Variants in GRIN2B observed in about 807,000 individuals in gnomAD.
GRIN2B encodes glutamate receptor ionotropic, NMDA 2B.
In GRIN2B, 5 loss-of-function variants were observed where a neutral mutation model predicts 114.5. That is an observed-to-expected ratio of 0.04 (90% CI 0.02 to 0.09). GRIN2B has a LOEUF of 0.09. GRIN2B is among the 10% of genes least tolerant of loss of function. The probability of loss-of-function intolerance (pLI) is 1.00; values close to 1 mark genes in which losing one functional copy is unlikely to be tolerated. For synonymous variants in GRIN2B, 787 were observed against 745.1 expected, an observed-to-expected ratio of 1.06 and a Z score of -0.92; for missense variants, 1,108 against 1,943.5, an observed-to-expected ratio of 0.57 and a Z score of 8.08.
At chr12:13,820,786 G>A (rs1015881167) in intron 3 of GRIN2B, among the ~76,000 whole-genome samples, 10 of 152,144 alleles carry the variant, frequency 6.6e-5, no homozygotes, top group African/African-American at 2.4e-4. Flanking sequence ...CCACTGCTGA[G>A]CCTTTGCTAT....
chr12:13,908,812 C>T (rs7136375), intron 2 of GRIN2B, among the ~76,000 whole-genome samples: 4,918 of 152,262 alleles, frequency 0.032, 289 homozygotes, highest in African/African-American at 0.11. Context: ...AGACATCTCA[C>T]AAAACACACA....
intron 10 of GRIN2B, among the ~76,000 whole-genome samples, chr12:13,607,263 TAATATATAA>T (rs1949272502): frequency 1.8e-5 from 1 of 56,438 alleles, no homozygotes; most frequent in Non-Finnish European, 3.1e-5. Flanking sequence ...ATATTATATA[TAATATATAA>T]AATATATAAT....
chr12:13,781,829 C>T lies in GRIN2B; in HGVS notation c.412-27914G>A, dbSNP rs113910476. On this transcript the variant is annotated intron_variant, in intron 3 of 13. Coordinates refer to ENST00000609686, the MANE Select transcript of GRIN2B (RefSeq NM_000834.5). ...CAAGAAATGTTCGAAGAAAAGGAGT[C>T]ACGGGGTCAGCTGTCAGGGATTCCT... is the stretch of plus-strand genomic sequence containing the variant. Among the ~76,000 whole-genome samples, 504 of 152,268 alleles carry T rather than the reference C, an allele frequency of 3.3e-3. 2 individuals carry two copies. Among genetic ancestry groups the T allele is most frequent in the African/African-American group, 0.012 (480 of 41,556 alleles).
chr12:13,741,596 C>A (rs1410824781), intron 4 of GRIN2B, among the ~76,000 whole-genome samples: 1 of 152,106 alleles, frequency 6.6e-6, no homozygotes, highest in Non-Finnish European at 1.5e-5. Flanking sequence ...TGCTCTTTCA[C>A]CCAGGCTGGA....
Position 13,562,949 on chromosome 12 carries a change from A to G in GRIN2B, c.4289T>C (p.Val1430Ala), listed in dbSNP as rs780022796. 2 of 1,614,186 alleles carry G rather than the reference A, an allele frequency of 1.2e-6. No homozygotes were observed. Among genetic ancestry groups the G allele is most frequent in the Admixed American group, 3.3e-5 (2 of 60,034 alleles). ...DFRALVTNKP[V>A]VSALHGAVPA... ...CACGGCCCCATGAAGGGCCGAGACC[A>G]CCGGCTTGTTGGTGACAAGGGCCCG... The change falls in exon 14 of 14, where the codon GTG becomes GCG. Residue 1430 changes from valine (V) to alanine (A), a missense_variant. This residue lies in a region of GRIN2B where 478 missense variants were observed against 506.0 expected (regional missense o/e 0.94). Coordinates refer to ENST00000609686, the MANE Select transcript of GRIN2B (RefSeq NM_000834.5).
At chr12:13,927,781 C>A (rs1866943952) in intron 2 of GRIN2B, among the ~76,000 whole-genome samples, 1 of 150,092 alleles carries the variant, frequency 6.7e-6, no homozygotes, top group African/African-American at 2.5e-5. Flanking sequence ...TAATGAGACC[C>A]CCATCTCTAC....
intron 2 of GRIN2B, among the ~76,000 whole-genome samples, chr12:13,875,067 C>T (rs954541734): frequency 2.0e-5 from 3 of 152,090 alleles, no homozygotes; most frequent in African/African-American, 7.2e-5. Flanking sequence ...TGCTCTCTCT[C>T]CCCCACTCCC....
chr12:13,796,171 G>C (rs1864416161), intron 3 of GRIN2B, among the ~76,000 whole-genome samples: 1 of 151,684 alleles, frequency 6.6e-6, no homozygotes, highest in African/African-American at 2.4e-5. Context: ...ATCCGTTTCT[G>C]ATATAACCAA....
At chr12:13,935,613 A>C (rs1207820237) in intron 2 of GRIN2B, among the ~76,000 whole-genome samples, 1 of 152,214 alleles carries the variant, frequency 6.6e-6, no homozygotes, top group Non-Finnish European at 1.5e-5. Context: ...CTCGCTTATA[A>C]AACTGTGATA....
intron 2 of GRIN2B, among the ~76,000 whole-genome samples, chr12:13,901,809 C>G (rs1427829282): frequency 6.6e-6 from 1 of 152,066 alleles, no homozygotes; most frequent in Admixed American, 6.5e-5. Flanking sequence ...TTTCCCTACT[C>G]CAACTTCAAG....
intron 4 of GRIN2B, among the ~76,000 whole-genome samples, chr12:13,714,122 T>G (rs1950436542): frequency 6.6e-6 from 1 of 151,832 alleles, no homozygotes. Flanking sequence ...TGGGAGGGCA[T>G]AAGATTCTCT....
chr12:13,785,718 C>T (rs1864213115), intron 3 of GRIN2B, among the ~76,000 whole-genome samples: 1 of 152,180 alleles, frequency 6.6e-6, no homozygotes, highest in Non-Finnish European at 1.5e-5. Flanking sequence ...ACTCTATGTG[C>T]ATTCTCTTTT....
At chr12:13,862,590 A>G (rs942583923) in intron 3 of GRIN2B, among the ~76,000 whole-genome samples, 1 of 152,154 alleles carries the variant, frequency 6.6e-6, no homozygotes, top group Non-Finnish European at 1.5e-5. Context: ...GTTGATTAAT[A>G]GTTGTCCAAC....
rs1948379656 is a variant in GRIN2B at position 13,548,975 on chromosome 12, A to G, written c.*13808T>C. ...TTTCCATCTTCCTACCTCCTCTCCT[A>G]TCTTCCCTCTAGGGCTAGGAAGGAC... On this transcript the variant is annotated 3_prime_UTR_variant, in exon 14 of 14. Coordinates refer to ENST00000609686, the MANE Select transcript of GRIN2B (RefSeq NM_000834.5). 1 of 150,632 alleles carries G rather than the reference A, an allele frequency of 6.6e-6. No individual in the cohort carries two copies. Among genetic ancestry groups the G allele is most frequent in the African/African-American group, 2.4e-5 (1 of 41,022 alleles). 9.3% of individuals were successfully genotyped at this position (150,632 alleles called of 1,614,324 possible).
chr12:13,636,088 GA>G (rs142097370), intron 5 of GRIN2B, among the ~76,000 whole-genome samples: 11,508 of 152,264 alleles, frequency 0.076, 459 homozygotes, highest in Non-Finnish European at 0.089. Context: ...AGGATGTTCA[GA>G]AAAGTCTTCT....
chr12:13,818,462 AG>A (rs1183610828), intron 3 of GRIN2B, among the ~76,000 whole-genome samples: 1 of 152,228 alleles, frequency 6.6e-6, no homozygotes, highest in East Asian at 1.9e-4. Flanking sequence ...ATTTTTAAGA[AG>A]GGGTGTTATT....
At chr12:13,607,524 T>C (rs1366040196) in intron 10 of GRIN2B, among the ~76,000 whole-genome samples, 1 of 132,986 alleles carries the variant, frequency 7.5e-6, no homozygotes, top group African/African-American at 2.9e-5. Flanking sequence ...TCCACATGCT[T>C]TTGAATGTTC....
intron 5 of GRIN2B, among the ~76,000 whole-genome samples, chr12:13,659,147 C>T (rs1451375107): frequency 1.8e-4 from 27 of 152,170 alleles, no homozygotes; most frequent in Admixed American, 1.8e-3. Context: ...ATTTCTACTT[C>T]CCTCCTGACT....
chr12:13,912,034 T>C (rs1866634808), intron 2 of GRIN2B, among the ~76,000 whole-genome samples: 1 of 151,980 alleles, frequency 6.6e-6, no homozygotes, highest in East Asian at 1.9e-4. Context: ...CCCTCAGAAC[T>C]CGCCTACTGC....
Sources: allele counts gnomAD v4.1 joint callset (sites outside exome capture counted in the v4.1 genomes callset), GRCh38; gene constraint gnomAD v4.1.1; regional missense constraint gnomAD v4.1.1; transcripts MANE v1.5; gene names NCBI Gene and HGNC (gene_info 2026-07-23, HGNC 2026-07-21).